The following NRXN1 variants were observed in gnomAD, a reference collection of about 807,000 sequenced individuals.
The protein encoded by NRXN1 is neurexin 1.
A neutral mutation model predicts 150.9 loss-of-function variants in NRXN1; 39 were observed. The observed-to-expected ratio is 0.26, with a 90% confidence interval of 0.20 to 0.34. The LOEUF is 0.34. NRXN1 is among the 10% of genes least tolerant of loss of function. The pLI is 1.00. For missense variants in NRXN1, 1,815 were observed against 1,949.9 expected, an observed-to-expected ratio of 0.93 and a Z score of 1.30; for synonymous variants, 924 against 757.0, an observed-to-expected ratio of 1.22 and a Z score of -3.62.
At chr2:50,463,866 C>G (rs1026294103) in intron 17 of NRXN1, 28 of 151,624 alleles carry the variant, frequency 1.8e-4, no homozygotes, top group African/African-American at 6.8e-4. Flanking sequence ...CTCTCAACTA[C>G]CACATGTAGT....
At chr2:51,024,771 A>G (rs1244703566) in intron 2 of NRXN1, among the ~76,000 whole-genome samples, 1 of 152,142 alleles carries the variant, frequency 6.6e-6, no homozygotes, top group African/African-American at 2.4e-5. Flanking sequence ...AAATTTTAAA[A>G]GTATTATAGT....
intron 5 of NRXN1, among the ~76,000 whole-genome samples, chr2:50,848,194 C>T (rs1450085223): frequency 1.3e-5 from 2 of 152,108 alleles, no homozygotes; most frequent in East Asian, 1.9e-4. Flanking sequence ...CACCCCTAGA[C>T]GTTCAAACAG....
intron 18 of NRXN1, among the ~76,000 whole-genome samples, chr2:50,111,507 T>C (rs544949846): frequency 6.6e-6 from 1 of 151,976 alleles, no homozygotes; most frequent in Admixed American, 6.6e-5. Flanking sequence ...GGCCTGGTGG[T>C]ATGCACCTGT....
At chr2:50,651,389 G>A (rs1215209940) in intron 5 of NRXN1, among the ~76,000 whole-genome samples, 1 of 151,932 alleles carries the variant, frequency 6.6e-6, no homozygotes, top group Non-Finnish European at 1.5e-5. Flanking sequence ...GAGGCAAGAG[G>A]ATCACTTAAG....
chr2:50,451,311 A>G (rs2086940472), intron 17 of NRXN1, among the ~76,000 whole-genome samples: 1 of 152,194 alleles, frequency 6.6e-6, no homozygotes, highest in Non-Finnish European at 1.5e-5. Flanking sequence ...AATGTGCACT[A>G]TCTGAAATAA....
intron 18 of NRXN1, among the ~76,000 whole-genome samples, chr2:50,133,089 C>T (rs189794293): frequency 3.0e-4 from 45 of 152,216 alleles, no homozygotes; most frequent in African/African-American, 1.1e-3. Context: ...AGTGTAGGTG[C>T]TATTCTAAAA....
intron 2 of NRXN1, among the ~76,000 whole-genome samples, chr2:50,956,221 T>C (rs1692260598): frequency 6.6e-6 from 1 of 152,142 alleles, no homozygotes; most frequent in Non-Finnish European, 1.5e-5. Context: ...ATTGGTCTGT[T>C]TTATAAGTTA....
At chr2:50,532,793 G>A (rs2093152881) in intron 10 of NRXN1, among the ~76,000 whole-genome samples, 2 of 152,066 alleles carry the variant, frequency 1.3e-5, no homozygotes, top group African/African-American at 2.4e-5. Context: ...ACAACCTGAC[G>A]GCTTTAAGAA....
chr2:50,123,264 A>G (rs1009636972), intron 18 of NRXN1, among the ~76,000 whole-genome samples: 13 of 152,208 alleles, frequency 8.5e-5, no homozygotes, highest in Admixed American at 7.9e-4. Context: ...TGGCACTGAA[A>G]GAGTGGACAG....
At chr2:50,615,225 C>T (rs1180300864) in intron 8 of NRXN1, 1 of 152,102 alleles carries the variant, frequency 6.6e-6, no homozygotes, top group Non-Finnish European at 1.5e-5. Context: ...CTCTAGAATA[C>T]TTCCTTAGGC....
chr2:50,462,587 C>A (rs1463720521), intron 17 of NRXN1, among the ~76,000 whole-genome samples: 3 of 151,830 alleles, frequency 2.0e-5, no homozygotes, highest in Non-Finnish European at 4.4e-5. Flanking sequence ...CACACACCTG[C>A]ATATCCACAT....
chr2:50,741,017 CTTCT>C (rs1699358487), intron 5 of NRXN1, among the ~76,000 whole-genome samples: 1 of 152,048 alleles, frequency 6.6e-6, no homozygotes. Flanking sequence ...AAAATTACTC[CTTCT>C]GTCTGTCAAA....
At chr2:50,514,910 T>C (rs2092580901) in intron 12 of NRXN1, among the ~76,000 whole-genome samples, 1 of 152,126 alleles carries the variant, frequency 6.6e-6, no homozygotes, top group South Asian at 2.1e-4. Context: ...ATACTAATTC[T>C]CCTAACTTTT....
At chr2:49,925,462 TAATGTA>T (rs1254282788) in intron 22 of NRXN1, among the ~76,000 whole-genome samples, 3 of 152,130 alleles carry the variant, frequency 2.0e-5, no homozygotes, top group Admixed American at 1.3e-4. Flanking sequence ...AATTTTATAT[TAATGTA>T]AATGTAGAGA....
At chr2:50,791,314 CAA>C (rs60728323) in intron 5 of NRXN1, among the ~76,000 whole-genome samples, 31 of 111,652 alleles carry the variant, frequency 2.8e-4, no homozygotes, top group Middle Eastern at 5.6e-3. Context: ...CTGCTTGCTA[CAA>C]AAAAAAAAAA....
Position 50,139,654 on chromosome 2 carries a change from C to T in NRXN1, c.3547-48160G>A, listed in dbSNP as rs1574122460. 1.3e-5 allele frequency among the ~76,000 whole-genome samples: 2 copies of T among 152,036 alleles called. 1 individual carries two copies. Among genetic ancestry groups the T allele is most frequent in the South Asian group, 4.1e-4 (2 of 4,826 alleles). Reference sequence around the variant, plus strand: ...CACCAGTAATGATCCAGTTTAATAACCTCATATATTTGGCTTGGGGTAAAT... The same window carrying T: ...CACCAGTAATGATCCAGTTTAATAATCTCATATATTTGGCTTGGGGTAAAT... On this transcript the variant is annotated intron_variant, in intron 18 of 22. Transcript: ENST00000401669.
intron 22 of NRXN1, among the ~76,000 whole-genome samples, chr2:49,929,711 C>A (rs1240971279): frequency 2.6e-5 from 4 of 152,120 alleles, no homozygotes; most frequent in African/African-American, 4.8e-5. Context: ...TCAAATGTCC[C>A]ATCTTTTATG....
At chr2:50,131,880 G>A (rs1218661114) in intron 18 of NRXN1, among the ~76,000 whole-genome samples, 2 of 147,606 alleles carry the variant, frequency 1.4e-5, no homozygotes, top group Non-Finnish European at 1.5e-5. Flanking sequence ...TCAATAGCAG[G>A]TAAAGAAACA....
At chr2:50,768,811 C>CCT (rs1255744609) in intron 5 of NRXN1, among the ~76,000 whole-genome samples, 1 of 151,830 alleles carries the variant, frequency 6.6e-6, no homozygotes, top group Non-Finnish European at 1.5e-5. Context: ...ACTCCCTCAA[C>CCT]CTCACACTCT....
Sources: allele counts gnomAD v4.1 joint callset (sites outside exome capture counted in the v4.1 genomes callset), GRCh38; gene constraint gnomAD v4.1.1; transcripts MANE v1.5; gene names NCBI Gene and HGNC (gene_info 2026-07-23, HGNC 2026-07-21).